PLA2G5: variants seen among roughly 807,000 people sequenced by gnomAD.
The protein encoded by PLA2G5 is Ca2+-dependent phospholipase A2.
Under a neutral mutation model 15.9 loss-of-function variants are expected in PLA2G5, and 12 were observed. The ratio of observed to expected loss-of-function variants is 0.76; its 90% CI spans 0.48 to 1.23. The LOEUF is 1.23. Among genes scored for constraint, PLA2G5 ranks in the 50% most tolerant of loss-of-function variants. The probability of loss-of-function intolerance (pLI) is 0.00; values close to 1 mark genes in which losing one functional copy is unlikely to be tolerated. For synonymous variants in PLA2G5, 71 were observed against 71.4 expected (o/e 0.99, Z 0.03); for missense variants, 169 against 177.1 (o/e 0.95, Z 0.26).
At chr1:20,057,057 T>G (rs1367955834) in intron 1 of PLA2G5, among the ~76,000 whole-genome samples, 3 of 152,154 alleles carry the variant, frequency 2.0e-5, no homozygotes, top group African/African-American at 7.2e-5. Context: ...TCAGTGGTGA[T>G]GGCCCCTCAT....
At chr1:20,062,859 C>A (rs562353156) in intron 2 of PLA2G5, among the ~76,000 whole-genome samples, 12 of 152,174 alleles carry the variant, frequency 7.9e-5, no homozygotes, top group African/African-American at 2.6e-4. Flanking sequence ...CTAGGCCTGG[C>A]CTTCGAGAGA....
intron 1 of PLA2G5, among the ~76,000 whole-genome samples, chr1:20,039,084 C>A (rs2013443618): frequency 6.6e-6 from 1 of 152,134 alleles, no homozygotes; most frequent in South Asian, 2.1e-4. Flanking sequence ...GCACCTGAGT[C>A]TCGAGTTACA....
chr1:20,040,993 T>C (rs796894957), intron 1 of PLA2G5, among the ~76,000 whole-genome samples: 1 of 152,350 alleles, frequency 6.6e-6, no homozygotes, highest in African/African-American at 2.4e-5. Flanking sequence ...CCCTAAAATG[T>C]ATAAAAACAA....
At chr1:20,047,744 G>A (rs1334076859) in intron 1 of PLA2G5, among the ~76,000 whole-genome samples, 1 of 151,592 alleles carries the variant, frequency 6.6e-6, no homozygotes, top group Non-Finnish European at 1.5e-5. Flanking sequence ...GTGTGTGTGT[G>A]TGTGTGTGTG....
chr1:20,078,617 C>T (rs1409928781), intron 1 of PLA2G5, among the ~76,000 whole-genome samples: 2 of 152,116 alleles, frequency 1.3e-5, no homozygotes, highest in Non-Finnish European at 2.9e-5. Flanking sequence ...GATCCCAGTG[C>T]CTGGCACGTA....
chr1:20,036,734 C>T (rs143432444), intron 1 of PLA2G5, among the ~76,000 whole-genome samples: 1,547 of 152,234 alleles, frequency 0.01, 28 homozygotes, highest in African/African-American at 0.035. Context: ...GGCATGATCT[C>T]GACTCACTGC....
At chr1:20,034,004 G>C (rs929656203) in intron 1 of PLA2G5, among the ~76,000 whole-genome samples, 9 of 152,112 alleles carry the variant, frequency 5.9e-5, no homozygotes, top group African/African-American at 2.2e-4. Flanking sequence ...TGGTTGATTT[G>C]GGACGGCCAA....
rs1407145905 is a variant in PLA2G5, at chr1:20,089,867, C to A, written c.264C>A (p.Tyr88Ter). ...GCNIRTQSYKYRFAWGVVTCE... is the reference protein window; with the variant it reads ...GCNIRTQSYK ...ACATTCGCACACAGTCCTACAAATACAGATTCGCGTGGGGCGTGGTCACCT... is the reference window on the plus strand; with the variant it reads ...ACATTCGCACACAGTCCTACAAATAAAGATTCGCGTGGGGCGTGGTCACCT... The change falls in exon 4 of 5, where the codon TAC becomes TAA. Residue 88 changes from tyrosine (Y) to a stop codon, truncating the protein, a stop_gained. Coordinates refer to ENST00000375108, the MANE Select transcript of PLA2G5 (RefSeq NM_000929.3). LOFTEE classifies it low-confidence loss of function (END_TRUNC). The A allele has an allele frequency of 1.9e-6, 3 of 1,613,966 alleles. No individual in the cohort carries two copies. The highest frequency in any genetic ancestry group is 2.5e-6 in the Non-Finnish European group (3 of 1,179,890).
chr1:20,070,325 C>G lies in PLA2G5; in HGVS notation c.-151C>G, dbSNP rs1242722336. On this transcript the variant is annotated 5_prime_UTR_variant, in exon 1 of 5. Transcript: ENST00000375108. The stretch of plus-strand genomic sequence containing the variant: ...GATTCTGGAGGCCAAGAATTTGACT[C>G]CCCCCGGATCCATGGTCTGTGGATA... 5.1e-6 allele frequency: 5 copies of G among 985,250 alleles called. No homozygotes were observed. The South Asian group carries it at 2.3e-4, about 46-fold the overall frequency. The allele number at this position is 985,250 out of a possible 1,614,324, so 61.0% of individuals were successfully genotyped here. A position where few individuals can be genotyped will look rare whatever the true frequency, so the allele number is the denominator to read the frequency against.
chr1:20,032,424 G>A (rs2013008532), intron 1 of PLA2G5, among the ~76,000 whole-genome samples: 1 of 152,012 alleles, frequency 6.6e-6, no homozygotes, highest in Non-Finnish European at 1.5e-5. Context: ...TTGTCAGAAG[G>A]TACTGGATTT....
intron 1 of PLA2G5, among the ~76,000 whole-genome samples, chr1:20,033,689 G>A (rs542592806): frequency 6.6e-6 from 1 of 152,272 alleles, no homozygotes; most frequent in East Asian, 1.9e-4. Flanking sequence ...TAGTCCAAGA[G>A]CAAGGCCTTG....
chr1:20,066,724 TGGCAA>T (rs1041301818), upstream of PLA2G5, among the ~76,000 whole-genome samples: 1 of 152,176 alleles, frequency 6.6e-6, no homozygotes, highest in African/African-American at 2.4e-5. Flanking sequence ...TAATTTCTCT[TGGCAA>T]GGCATGGTAG....
rs1461362985 is a variant in PLA2G5 at position 20,089,859 on chromosome 1, T to A, written c.256T>A (p.Tyr86Asn). The change falls in exon 4 of 5, where the codon TAC (tyrosine) becomes AAC (asparagine). Residue 86 changes from tyrosine to asparagine, a missense_variant. Physicochemically the swap from Tyr to Asn is moderately radical, Grantham distance 143 (BLOSUM62 -2). Transcript: ENST00000375108. ...GGGCTGCAACATTCGCACACAGTCCTACAAATACAGATTCGCGTGGGGCGT... is the reference window on the plus strand; with the variant it reads ...GGGCTGCAACATTCGCACACAGTCCAACAAATACAGATTCGCGTGGGGCGT... ...EKGCNIRTQS[Y>N]KYRFAWGVVT... 24 of 1,613,928 alleles carry A rather than the reference T, an allele frequency of 1.5e-5. No homozygotes were observed. The highest frequency in any genetic ancestry group is 2.0e-5 in the Non-Finnish European group (24 of 1,179,938).
rs2016559985 is a variant in PLA2G5 at position 20,091,612 on chromosome 1, T to G, written c.*920T>G. ...ATGGAGAATGCTGAGGTTCTAGGAT[T>G]TCACACAGCAGGAATTTTTTTTTAA... On this transcript the variant is annotated 3_prime_UTR_variant, in exon 5 of 5. Transcript: ENST00000375108. 6.6e-6 allele frequency among the ~76,000 whole-genome samples: 1 copy of G among 152,208 alleles called. No individual in the cohort carries two copies. Among genetic ancestry groups the G allele is most frequent in the Non-Finnish European group, 1.5e-5 (1 of 68,042 alleles).
intron 1 of PLA2G5, among the ~76,000 whole-genome samples, chr1:20,037,888 G>A (rs1461652368): frequency 1.3e-5 from 2 of 152,158 alleles, no homozygotes; most frequent in African/African-American, 4.8e-5. Context: ...GGTTAGGCAT[G>A]TCTGAGCTCA....
At chr1:20,052,859 T>C (rs1039952378) in intron 1 of PLA2G5, among the ~76,000 whole-genome samples, 1 of 152,176 alleles carries the variant, frequency 6.6e-6, no homozygotes, top group African/African-American at 2.4e-5. Flanking sequence ...AATGCATATC[T>C]GATTGCCTCC....
chr1:20,089,863 A>T lies in PLA2G5; in HGVS notation c.260A>T (p.Lys87Ile). 6.2e-7 allele frequency: 1 copy of T among 1,614,046 alleles called. No individual in the cohort carries two copies. The highest frequency in any genetic ancestry group is 8.5e-7 in the Non-Finnish European group (1 of 1,179,946). The change falls in exon 4 of 5, where the codon AAA becomes ATA. Residue 87 changes from lysine to isoleucine, a missense_variant. By Grantham distance (102) the Lys-to-Ile change is moderately radical. Transcript: ENST00000375108. ...KGCNIRTQSY[K>I]YRFAWGVVTC... ...TGCAACATTCGCACACAGTCCTACAAATACAGATTCGCGTGGGGCGTGGTC... is the reference window on the plus strand; with the variant it reads ...TGCAACATTCGCACACAGTCCTACATATACAGATTCGCGTGGGGCGTGGTC...
upstream of PLA2G5, chr1:20,068,888 C>G: frequency 7.9e-7 from 1 of 1,265,150 alleles, no homozygotes; most frequent in South Asian, 1.3e-5. Flanking sequence ...GATACAGAAG[C>G]CTGAGGGAAC....
At chr1:20,086,058 C>G (rs1179229825) in intron 2 of PLA2G5, 25 bp from the exon 3 acceptor site, 4 of 1,613,506 alleles carry the variant, frequency 2.5e-6, no homozygotes, top group Non-Finnish European at 3.4e-6. Context: ...CTGGGTGTCA[C>G]CTGGGGACAT....
Sources: gnomAD v4.1 joint callset for allele counts (sites outside exome capture counted in the v4.1 genomes callset) on GRCh38, gnomAD v4.1.1 for gene constraint, MANE v1.5 for transcripts, NCBI Gene and HGNC (gene_info 2026-07-23, HGNC 2026-07-21) for gene names.